The following PEDS1 variants were observed in gnomAD, a reference collection of about 807,000 sequenced individuals.
PEDS1 encodes CarF homolog.
In PEDS1, 14 loss-of-function variants were observed where a neutral mutation model predicts 35.2. That is an observed-to-expected ratio of 0.40 (90% CI 0.26 to 0.62). PEDS1 has a LOEUF of 0.62. PEDS1 is among the 20% of genes least tolerant of loss of function. The probability of loss-of-function intolerance (pLI) is 0.44; values close to 1 mark genes in which losing one functional copy is unlikely to be tolerated. For missense variants in PEDS1, 260 were observed against 367.8 expected, an observed-to-expected ratio of 0.71 and a Z score of 2.40; for synonymous variants, 152 against 152.0, an observed-to-expected ratio of 1.00 and a Z score of 0.00.
At chr20:50,148,647 C>T (rs1274272389) in intron 1 of PEDS1, among the ~76,000 whole-genome samples, 1 of 152,108 alleles carries the variant, frequency 6.6e-6, no homozygotes, top group Non-Finnish European at 1.5e-5. Context: ...TCTTCTGGTT[C>T]CAGGCAGAGA....
chr20:50,124,605 G>A lies in PEDS1; in HGVS notation c.*453C>T, dbSNP rs980014838. The A allele has an allele frequency of 1.3e-5, 2 of 157,990 alleles. No individual in the cohort carries two copies. The highest frequency in any genetic ancestry group is 2.4e-5 in the African/African-American group (1 of 41,562). The allele number at this position is 157,990 out of a possible 1,614,324, so 9.8% of individuals were successfully genotyped here. ...GGGCTGTCCACCTGCCCAGCCTCCC[G>A]GGGTCAGTATGCAGGGCTGTGGCAG... On this transcript the variant is annotated 3_prime_UTR_variant, in exon 6 of 6. Transcript: ENST00000371652.
At position 50,118,498 on chromosome 20, in the gene PEDS1, GA is replaced by G. The variant is rs1320683000; in HGVS notation, c.*6559del. 2.0e-5 allele frequency: 3 copies of G among 151,932 alleles called. No homozygotes were observed. The highest frequency in any genetic ancestry group is 2.9e-5 in the Non-Finnish European group (2 of 67,980). The allele number at this position is 151,932 out of a possible 1,614,324, so 9.4% of individuals were successfully genotyped here. A position where few individuals can be genotyped will look rare whatever the true frequency, so the allele number is the denominator to read the frequency against. On this transcript the variant is annotated 3_prime_UTR_variant, in exon 6 of 6. Transcript: ENST00000371652. Reference sequence around the variant, plus strand: ...TAACCAATGCTACCCTCCCTTCCAAGAAAAATAGGAAAAGGACATGAACAGA... The same window carrying G: ...TAACCAATGCTACCCTCCCTTCCAAGAAAATAGGAAAAGGACATGAACAGA...
intron 2 of PEDS1, among the ~76,000 whole-genome samples, chr20:50,131,320 G>A (rs1269462808): frequency 6.6e-6 from 1 of 152,160 alleles, no homozygotes; most frequent in Non-Finnish European, 1.5e-5. Flanking sequence ...TGGGTTTGGT[G>A]TTAGAAAGAA....
intron 2 of PEDS1, among the ~76,000 whole-genome samples, chr20:50,135,457 G>C (rs1442161906): frequency 6.6e-6 from 1 of 151,952 alleles, no homozygotes; most frequent in Non-Finnish European, 1.5e-5. Flanking sequence ...TCAGGAGTTT[G>C]AGACCAGCCT....
chr20:50,148,264 T>G (rs6020295), intron 1 of PEDS1, among the ~76,000 whole-genome samples: 18 of 152,254 alleles, frequency 1.2e-4, no homozygotes, highest in African/African-American at 3.9e-4. Context: ...TTGTCCAAAG[T>G]CACTTGAGGG....
intron 5 of PEDS1, among the ~76,000 whole-genome samples, chr20:50,127,176 G>A (rs1225678579): frequency 1.3e-5 from 2 of 152,002 alleles, no homozygotes; most frequent in African/African-American, 4.8e-5. Context: ...CACCTTCCCT[G>A]ACCACCCGAT....
At chr20:50,139,581 C>A (rs1181143398) in intron 2 of PEDS1, among the ~76,000 whole-genome samples, 1 of 152,012 alleles carries the variant, frequency 6.6e-6, no homozygotes, top group Non-Finnish European at 1.5e-5. Flanking sequence ...TTCCTCCTCC[C>A]CAGCCTGGAA....
chr20:50,147,047 C>T (rs946830961), intron 1 of PEDS1, among the ~76,000 whole-genome samples: 4 of 152,152 alleles, frequency 2.6e-5, no homozygotes, highest in Non-Finnish European at 1.5e-5. Context: ...CCTTCCCGAT[C>T]GACCTGCCTG....
At chr20:50,144,639 G>C (rs1477429584) in intron 1 of PEDS1, among the ~76,000 whole-genome samples, 1 of 152,158 alleles carries the variant, frequency 6.6e-6, no homozygotes, top group Non-Finnish European at 1.5e-5. Context: ...GTCAAAACTT[G>C]GGAAATAACC....
chr20:50,143,424 A>G, intron 2 of PEDS1, 78 bp downstream of exon 2: 1 of 1,545,088 alleles, frequency 6.5e-7, no homozygotes, highest in South Asian at 1.2e-5. Context: ...GCATGTGGAC[A>G]CACACACGCG....
At chr20:50,139,070 A>C (rs2081265513) in intron 2 of PEDS1, among the ~76,000 whole-genome samples, 1 of 152,100 alleles carries the variant, frequency 6.6e-6, no homozygotes. Context: ...CCTGGGTCCC[A>C]GTCCTGTCTC....
chr20:50,153,549 C>T lies in PEDS1; in HGVS notation c.89G>A (p.Gly30Glu). Residue 30 changes from glycine (G) to glutamate (E), a missense_variant, in exon 1 of 6, where the codon GGG (glycine) becomes GAG (glutamate). By Grantham distance (98) the Gly-to-Glu change is moderately conservative (BLOSUM62 -2). Coordinates refer to ENST00000371652, the MANE Select transcript of PEDS1 (RefSeq NM_199129.4). ...SCCRWGAQHA[G>E]ARELAALYSP... ...GTAGAGCGCAGCCAGCTCGCGGGCC[C>T]CGGCGTGCTGCGCGCCCCAGCGGCA... 1 of 1,433,772 alleles carries T rather than the reference C, an allele frequency of 7.0e-7. No homozygotes were observed. The highest frequency in any genetic ancestry group is 9.2e-7 in the Non-Finnish European group (1 of 1,087,002). The allele number at this position is 1,433,772 out of a possible 1,614,324, so 88.8% of individuals were successfully genotyped here.
At chr20:50,145,760 C>T (rs1482031983) in intron 1 of PEDS1, among the ~76,000 whole-genome samples, 1 of 152,090 alleles carries the variant, frequency 6.6e-6, no homozygotes, top group Non-Finnish European at 1.5e-5. Context: ...CTAGGGTATG[C>T]CCCAGGCAGC....
At position 50,136,212 on chromosome 20, in the gene PEDS1, G is replaced by A. The variant is rs564791113; in HGVS notation, c.242-5265C>T. ...ATGGCATCAAGGCCTCGCTTAGGCCGAATCTTATCTCCTTAATCATTCTAA... is the reference window on the plus strand; with the variant it reads ...ATGGCATCAAGGCCTCGCTTAGGCCAAATCTTATCTCCTTAATCATTCTAA... On this transcript the variant is annotated intron_variant, in intron 2 of 5. Coordinates refer to ENST00000371652, the MANE Select transcript of PEDS1 (RefSeq NM_199129.4). Among the ~76,000 whole-genome samples the A allele has an allele frequency of 1.1e-4, 16 of 152,254 alleles. 1 individual carries two copies. In the South Asian group the frequency reaches 1.7e-3, roughly 16 times the overall value.
At chr20:50,151,732 G>A (rs1568659031) in intron 1 of PEDS1, among the ~76,000 whole-genome samples, 2 of 152,146 alleles carry the variant, frequency 1.3e-5, no homozygotes, top group Admixed American at 6.6e-5. Context: ...GGTGGCGGGC[G>A]CCTGTAGTCC....
chr20:50,139,580 C>T (rs1231306915), intron 2 of PEDS1, among the ~76,000 whole-genome samples: 1 of 152,030 alleles, frequency 6.6e-6, no homozygotes, highest in African/African-American at 2.4e-5. Context: ...CTTCCTCCTC[C>T]CCAGCCTGGA....
chr20:50,135,323 G>C (rs1033361803), intron 2 of PEDS1, among the ~76,000 whole-genome samples: 1 of 151,900 alleles, frequency 6.6e-6, no homozygotes, highest in Non-Finnish European at 1.5e-5. Context: ...CTGTTTACAA[G>C]TGTTTTTGGT....
Position 50,127,917 on chromosome 20 carries a change from G to T in PEDS1, c.691+58C>A. The stretch of plus-strand genomic sequence containing the variant: ...CTGTGATCTCTGCCCTCCTGACCTC[G>T]AAGATGGTGCAGTGGCTGGGGTGGG... On this transcript the variant is annotated intron_variant, in intron 5 of 5. Coordinates refer to ENST00000371652, the MANE Select transcript of PEDS1 (RefSeq NM_199129.4). 3.2e-6 allele frequency: 5 copies of T among 1,581,294 alleles called. No homozygotes were observed. The South Asian group carries it at 4.6e-5, about 15-fold the overall frequency.
At chr20:50,138,662 G>A (rs1411299574) in intron 2 of PEDS1, among the ~76,000 whole-genome samples, 3 of 152,212 alleles carry the variant, frequency 2.0e-5, no homozygotes, top group Non-Finnish European at 4.4e-5. Flanking sequence ...GTGATCTTGC[G>A]GCCTCTGCCG....
Sources: allele counts gnomAD v4.1 joint callset (sites outside exome capture counted in the v4.1 genomes callset), GRCh38; gene constraint gnomAD v4.1.1; transcripts MANE v1.5; gene names NCBI Gene and HGNC (gene_info 2026-07-23, HGNC 2026-07-21).